The following COL5A1 variants were observed in gnomAD, a reference collection of about 807,000 sequenced individuals.
COL5A1 encodes collagen alpha-1(V) chain.
Under a neutral mutation model 263.7 loss-of-function variants are expected in COL5A1, and 16 were observed. The observed-to-expected ratio is 0.06, with a 90% CI of 0.04 to 0.09. COL5A1 has a LOEUF of 0.09. Among genes scored for constraint, COL5A1 ranks in the 10% least tolerant of loss-of-function variants. The probability of loss-of-function intolerance (pLI) is 1.00; values close to 1 mark genes in which losing one functional copy is unlikely to be tolerated. For synonymous variants in COL5A1, 1,012 were observed against 1,004.5 expected (o/e 1.01, Z -0.14); for missense variants, 2,036 against 2,540.5 (o/e 0.80, Z 4.27).
At chr9:134,725,092 G>A (rs886971746) in intron 4 of COL5A1, among the ~76,000 whole-genome samples, 10 of 152,312 alleles carry the variant, frequency 6.6e-5, no homozygotes, top group South Asian at 4.1e-4. Context: ...CTGCGGCACC[G>A]TCTCTGGTGG....
intron 64 of COL5A1, among the ~76,000 whole-genome samples, chr9:134,831,968 A>T (rs755706505): frequency 2.0e-5 from 3 of 152,178 alleles, no homozygotes; most frequent in Non-Finnish European, 2.9e-5. Context: ...CCTCTCAAAG[A>T]TACCCAGATT....
rs1834836694 is a variant in COL5A1, at chr9:134,730,390, G to A, written c.1079G>A (p.Gly360Glu). ...TATGATGACCTCACCTATGGCGAGG[G>A]GGAGGAGAACCCCGACCAGCCCACA... ...SPYDDLTYGE[G>E]EENPDQPTDP... is the part of the protein sequence containing the mutation. The change falls in exon 7 of 66, where the codon GGG (glycine) becomes GAG (glutamate). Residue 360 changes from glycine to glutamate, a missense_variant. Gly to Glu is a moderately conservative substitution (Grantham distance 98, BLOSUM62 -2). This residue lies in a region of COL5A1 where 600 missense variants were observed against 634.5 expected (regional missense o/e 0.95). Coordinates refer to ENST00000371817, the MANE Select transcript of COL5A1 (RefSeq NM_000093.5). 2 of 1,614,084 alleles carry A rather than the reference G, an allele frequency of 1.2e-6. No individual in the cohort carries two copies. The highest frequency in any genetic ancestry group is 1.7e-5 in the Admixed American group (1 of 60,012).
intron 9 of COL5A1, among the ~76,000 whole-genome samples, chr9:134,735,901 C>G (rs1013114271): frequency 6.6e-6 from 1 of 152,244 alleles, no homozygotes; most frequent in Non-Finnish European, 1.5e-5. Flanking sequence ...GTGGGGAGAT[C>G]GGTGTTCCCC....
At chr9:134,761,242 A>C in intron 18 of COL5A1, among the ~76,000 whole-genome samples, 1 of 135,184 alleles carries the variant, frequency 7.4e-6, no homozygotes, top group Admixed American at 7.4e-5. Flanking sequence ...ACATACCCCC[A>C]CACACTCCAC....
intron 32 of COL5A1, among the ~76,000 whole-genome samples, chr9:134,791,181 TC>T (rs1351337177): frequency 1.3e-5 from 2 of 152,222 alleles, no homozygotes; most frequent in Non-Finnish European, 2.9e-5. Flanking sequence ...TAGGAGCTAC[TC>T]ACAGCCTTTC....
chr9:134,810,600 C>T (rs1037625853), intron 44 of COL5A1: 2 of 452,134 alleles, frequency 4.4e-6, no homozygotes, highest in African/African-American at 3.9e-5. Flanking sequence ...CAGACACACC[C>T]ATTGCCCTCT....
chr9:134,646,121 C>T (rs1246251254), intron 1 of COL5A1, among the ~76,000 whole-genome samples: 1 of 152,208 alleles, frequency 6.6e-6, no homozygotes, highest in Non-Finnish European at 1.5e-5. Flanking sequence ...GCATAACCTG[C>T]CTGGACCCTG....
At chr9:134,781,772 G>A (rs1837266010) in intron 28 of COL5A1, among the ~76,000 whole-genome samples, 8 of 152,208 alleles carry the variant, frequency 5.3e-5, no homozygotes, top group Admixed American at 5.2e-4. Context: ...TGAACACTGT[G>A]AACAAGTGCC....
At chr9:134,820,067 T>C (rs1275180497) in intron 57 of COL5A1, 49 bp from the exon 58 acceptor site, 8 of 1,433,462 alleles carry the variant, frequency 5.6e-6, no homozygotes, top group Non-Finnish European at 7.9e-6. Flanking sequence ...TGGCCGAGCA[T>C]GAGGCGTGGC....
At chr9:134,797,625 G>A (rs1334752325) in intron 36 of COL5A1, among the ~76,000 whole-genome samples, 1 of 152,200 alleles carries the variant, frequency 6.6e-6, no homozygotes, top group Non-Finnish European at 1.5e-5. Context: ...TGGGATTACA[G>A]GCATGCGCCA....
chr9:134,824,015 A>ATG (rs5901055), intron 61 of COL5A1, among the ~76,000 whole-genome samples: 36 of 148,878 alleles, frequency 2.4e-4, no homozygotes, highest in Admixed American at 6.6e-4. Flanking sequence ...ATATATGTGC[A>ATG]TGTGTGTGTG....
At position 134,728,565 on chromosome 9, in the gene COL5A1, C is replaced by T. The variant is rs556804606; in HGVS notation, c.787-105C>T. The T allele has an allele frequency of 2.1e-3, 3,175 of 1,530,812 alleles. 8 individuals carry two copies. The highest frequency in any genetic ancestry group is 2.5e-3 in the Non-Finnish European group (2,790 of 1,112,138). The allele number at this position is 1,530,812 out of a possible 1,614,324, so 94.8% of individuals were successfully genotyped here. A position where few individuals can be genotyped will look rare whatever the true frequency, so the allele number is the denominator to read the frequency against. ...AGGGAGGTTCACGCCTGGGGCTGGA[C>T]GGGGCGTCGTGGCGTGCAGATCTGG... is the stretch of plus-strand genomic sequence containing the variant. On this transcript the variant is annotated intron_variant, in intron 5 of 65. Transcript: ENST00000371817.
At chr9:134,689,391 A>G (rs1195312651) in intron 1 of COL5A1, among the ~76,000 whole-genome samples, 2 of 152,194 alleles carry the variant, frequency 1.3e-5, no homozygotes, top group East Asian at 3.9e-4. Flanking sequence ...GAGGAGGCCC[A>G]CACCACTGCA....
At chr9:134,668,570 C>T (rs1832426004) in intron 1 of COL5A1, among the ~76,000 whole-genome samples, 1 of 142,170 alleles carries the variant, frequency 7.0e-6, no homozygotes, top group Non-Finnish European at 1.5e-5. Context: ...ATGCATCCAT[C>T]CATCCATCTA....
intron 28 of COL5A1, 127 bp from the exon 29 acceptor site, chr9:134,782,540 G>A (rs370346972): frequency 1.4e-5 from 12 of 883,608 alleles, no homozygotes; most frequent in African/African-American, 4.9e-5. Flanking sequence ...CACCCCGTCC[G>A]GGCCATGTGC....
chr9:134,816,061 C>A, intron 52 of COL5A1, 73 bp downstream of exon 52: 1 of 1,500,010 alleles, frequency 6.7e-7, no homozygotes, highest in Non-Finnish European at 9.3e-7. Flanking sequence ...GCTTGCTTGA[C>A]TCATTTCTGG....
At chr9:134,822,931 A>T in intron 59 of COL5A1, 67 bp from the exon 60 acceptor site, 2 of 1,587,108 alleles carry the variant, frequency 1.3e-6, no homozygotes, top group Non-Finnish European at 1.7e-6. Context: ...GCTGGGCAGG[A>T]CATGGAGCAC....
chr9:134,784,957 G>GGGCA (rs766493235), intron 29 of COL5A1, 32 bp from the exon 30 acceptor site: 54 of 1,534,412 alleles, frequency 3.5e-5, no homozygotes, highest in Middle Eastern at 1.7e-4. Flanking sequence ...TGCGGGGGGT[G>GGGCA]GTCTTCTCAC....
chr9:134,713,163 T>C (rs1834130896), intron 4 of COL5A1, among the ~76,000 whole-genome samples: 1 of 152,270 alleles, frequency 6.6e-6, no homozygotes, highest in Non-Finnish European at 1.5e-5. Flanking sequence ...TCCTGTCCGA[T>C]AGTGAGTTTT....
Sources: allele counts gnomAD v4.1 joint callset (sites outside exome capture counted in the v4.1 genomes callset), GRCh38; gene constraint gnomAD v4.1.1; regional missense constraint gnomAD v4.1.1; transcripts MANE v1.5; gene names NCBI Gene and HGNC (gene_info 2026-07-23, HGNC 2026-07-21).